Variants in EPHA6 observed in about 807,000 individuals in gnomAD.
EPHA6 encodes the protein ephrin type-A receptor 6.
In EPHA6, 50 loss-of-function variants were observed where a neutral mutation model predicts 112.0. The observed-to-expected ratio is 0.45, with a 90% CI of 0.36 to 0.56. EPHA6 has a LOEUF of 0.56. Among genes scored for constraint, EPHA6 ranks in the 20% least tolerant of loss-of-function variants. EPHA6 has a pLI of 0.00. For missense variants in EPHA6, 1,280 were observed against 1,417.4 expected (o/e 0.90, Z 1.56); for synonymous variants, 529 against 490.7 (o/e 1.08, Z -1.03).
chr3:96,893,645 CA>C (rs2038103941), intron 2 of EPHA6, among the ~76,000 whole-genome samples: 1 of 152,136 alleles, frequency 6.6e-6, no homozygotes, highest in African/African-American at 2.4e-5. Flanking sequence ...TCATTGAAAG[CA>C]GCAAAACTAA....
At chr3:96,860,661 T>G (rs762057297) in intron 1 of EPHA6, among the ~76,000 whole-genome samples, 12 of 152,092 alleles carry the variant, frequency 7.9e-5, no homozygotes, top group Admixed American at 3.3e-4. Context: ...GGGGAACATG[T>G]TCAATGGTTT....
At chr3:97,257,760 C>G (rs2079365544) in intron 5 of EPHA6, among the ~76,000 whole-genome samples, 1 of 151,732 alleles carries the variant, frequency 6.6e-6, no homozygotes, top group Non-Finnish European at 1.5e-5. Flanking sequence ...GTATAAATAT[C>G]CTAAATGACC....
At chr3:97,198,255 C>G (rs1359994565) in intron 3 of EPHA6, among the ~76,000 whole-genome samples, 2 of 152,094 alleles carry the variant, frequency 1.3e-5, no homozygotes, top group African/African-American at 4.8e-5. Context: ...GCTCTGCCTG[C>G]TCACCAAAAG....
At chr3:97,590,474 A>G (rs1386790580) in intron 11 of EPHA6, among the ~76,000 whole-genome samples, 1 of 152,212 alleles carries the variant, frequency 6.6e-6, no homozygotes, top group Non-Finnish European at 1.5e-5. Context: ...CAGTTTGGAT[A>G]ATGTTGGCAA....
chr3:97,640,338 G>C (rs2093990119), intron 14 of EPHA6, among the ~76,000 whole-genome samples: 1 of 152,114 alleles, frequency 6.6e-6, no homozygotes, highest in Non-Finnish European at 1.5e-5. Flanking sequence ...CAATGGAGGG[G>C]CCAATTTTCC....
intron 5 of EPHA6, among the ~76,000 whole-genome samples, chr3:97,372,134 C>T (rs1028885486): frequency 1.3e-5 from 2 of 152,086 alleles, no homozygotes; most frequent in African/African-American, 4.8e-5. Flanking sequence ...TACACTCCCT[C>T]CCCTTTTGAA....
chr3:97,128,236 A>G (rs1230320071), intron 3 of EPHA6, among the ~76,000 whole-genome samples: 2 of 152,196 alleles, frequency 1.3e-5, no homozygotes, highest in East Asian at 3.8e-4. Flanking sequence ...TATATGTATC[A>G]TATTTTCTTT....
intron 13 of EPHA6, among the ~76,000 whole-genome samples, chr3:97,633,347 T>C (rs2093919650): frequency 1.3e-5 from 2 of 152,032 alleles, no homozygotes; most frequent in Admixed American, 1.3e-4. Context: ...AGATGCAGTA[T>C]ATAAATATGC....
intron 2 of EPHA6, among the ~76,000 whole-genome samples, chr3:96,873,946 C>T (rs969536550): frequency 3.9e-5 from 6 of 152,044 alleles, no homozygotes; most frequent in African/African-American, 7.2e-5. Context: ...TTTATTACCA[C>T]GTTATATATG....
chr3:97,392,124 A>T (rs1015802549), intron 5 of EPHA6, among the ~76,000 whole-genome samples: 3 of 151,872 alleles, frequency 2.0e-5, no homozygotes, highest in Non-Finnish European at 2.9e-5. Context: ...ACAGCTTATA[A>T]ATATATTCGT....
intron 7 of EPHA6, among the ~76,000 whole-genome samples, chr3:97,462,463 CCT>C (rs764474377): frequency 6.6e-6 from 1 of 152,094 alleles, no homozygotes; most frequent in African/African-American, 2.4e-5. Flanking sequence ...GTGGAATCCT[CCT>C]CTGTTTTCAA....
intron 2 of EPHA6, among the ~76,000 whole-genome samples, chr3:96,882,727 T>C (rs1386923796): frequency 2.8e-5 from 4 of 143,670 alleles, no homozygotes; most frequent in South Asian, 2.2e-4. Context: ...TTCCATTGTG[T>C]GTCTGTGTGT....
intron 3 of EPHA6, among the ~76,000 whole-genome samples, chr3:97,150,679 T>C (rs1559759040): frequency 6.6e-6 from 1 of 152,144 alleles, no homozygotes; most frequent in East Asian, 1.9e-4. Flanking sequence ...CCAATGTTCA[T>C]GAGACTACAA....
intron 5 of EPHA6, among the ~76,000 whole-genome samples, chr3:97,276,598 T>G (rs2108653160): frequency 6.6e-6 from 1 of 152,222 alleles, no homozygotes; most frequent in South Asian, 2.1e-4. Flanking sequence ...ACCTTGAAGG[T>G]GAGGTTAACT....
At chr3:97,017,327 T>G (rs991798489) in intron 3 of EPHA6, among the ~76,000 whole-genome samples, 3 of 152,168 alleles carry the variant, frequency 2.0e-5, no homozygotes, top group East Asian at 1.9e-4. Flanking sequence ...TGTGAGGCAT[T>G]GCATTGAACT....
intron 3 of EPHA6, among the ~76,000 whole-genome samples, chr3:97,043,226 T>C (rs1421387300): frequency 1.3e-5 from 2 of 152,206 alleles, no homozygotes; most frequent in East Asian, 3.9e-4. Flanking sequence ...TCAGTCCTAA[T>C]ATAGGACCAG....
Position 97,186,582 on chromosome 3 carries a change from A to T in EPHA6, c.1115-39682A>T, listed in dbSNP as rs541674688. ...ACTGGGTGCCAAACGTATCGATTCAAAGTTTTTAATAAAGTCTGTGGTAGC... is the reference window on the plus strand; with the variant it reads ...ACTGGGTGCCAAACGTATCGATTCATAGTTTTTAATAAAGTCTGTGGTAGC... On this transcript the variant is annotated intron_variant, in intron 3 of 17. Transcript: ENST00000389672. 9.2e-5 allele frequency among the ~76,000 whole-genome samples: 14 copies of T among 152,236 alleles called. No homozygotes were observed. In the South Asian group the frequency reaches 2.7e-3, roughly 29 times the overall value.
At chr3:96,987,220 A>T in intron 2 of EPHA6, 110 bp from the exon 3 acceptor site, 1 of 912,036 alleles carries the variant, frequency 1.1e-6, no homozygotes, top group Admixed American at 2.6e-5. Flanking sequence ...CTTCATTTGT[A>T]TCCTTTTAAT....
At chr3:97,196,087 C>T (rs1425885128) in intron 3 of EPHA6, among the ~76,000 whole-genome samples, 1 of 150,930 alleles carries the variant, frequency 6.6e-6, no homozygotes, top group Non-Finnish European at 1.5e-5. Context: ...ATCTCTCTCT[C>T]TATCCCCTCT....
Sources: gnomAD v4.1 joint callset for allele counts (sites outside exome capture counted in the v4.1 genomes callset) on GRCh38, gnomAD v4.1.1 for gene constraint, MANE v1.5 for transcripts, NCBI Gene and HGNC (gene_info 2026-07-23, HGNC 2026-07-21) for gene names.